Variants in NPSR1 observed in about 807,000 individuals in gnomAD.
NPSR1 encodes neuropeptide S receptor 1.
NPSR1 carries 48 observed loss-of-function variants against 46.9 expected under a neutral mutation model. The observed-to-expected ratio is 1.02, with a 90% confidence interval of 0.81 to 1.30. The LOEUF (loss-of-function observed/expected upper bound fraction) is 1.30, where lower values mean the gene tolerates loss of function less well. Among genes scored for constraint, NPSR1 ranks in the 50% most tolerant of loss-of-function variants. The pLI, the probability that NPSR1 is intolerant of heterozygous loss-of-function variation, is 0.00. For synonymous variants in NPSR1, 176 were observed against 168.1 expected, an observed-to-expected ratio of 1.05 and a Z score of -0.36; for missense variants, 450 against 449.5, an observed-to-expected ratio of 1.00 and a Z score of -0.01.
chr7:34,776,188 GA>G (rs981690123), intron 2 of NPSR1, among the ~76,000 whole-genome samples: 4 of 152,098 alleles, frequency 2.6e-5, no homozygotes, highest in African/African-American at 7.2e-5. Flanking sequence ...ATGTGCTGTG[GA>G]AAATAATGTG....
chr7:34,704,830 G>A (rs1343316284), intron 2 of NPSR1, among the ~76,000 whole-genome samples: 3 of 152,190 alleles, frequency 2.0e-5, no homozygotes, highest in Non-Finnish European at 4.4e-5. Context: ...TTGGTCCTAA[G>A]TTAGAAGCAA....
At chr7:34,738,105 GAGA>G (rs1330705995) in intron 2 of NPSR1, among the ~76,000 whole-genome samples, 1 of 152,194 alleles carries the variant, frequency 6.6e-6, no homozygotes, top group Admixed American at 6.5e-5. Flanking sequence ...TGAAGGCCAG[GAGA>G]GAGCATTTTT....
At chr7:34,709,835 A>G (rs1339734431) in intron 2 of NPSR1, among the ~76,000 whole-genome samples, 3 of 152,134 alleles carry the variant, frequency 2.0e-5, no homozygotes, top group Admixed American at 2.0e-4. Flanking sequence ...CACTCTACTA[A>G]GCATTATGAC....
At chr7:34,765,799 A>C (rs1165059722) in intron 2 of NPSR1, among the ~76,000 whole-genome samples, 1 of 152,224 alleles carries the variant, frequency 6.6e-6, no homozygotes, top group Non-Finnish European at 1.5e-5. Flanking sequence ...TTAATGCAGA[A>C]ACAGAAAACC....
intron 4 of NPSR1, among the ~76,000 whole-genome samples, chr7:34,820,615 G>A (rs1293083821): frequency 1.3e-5 from 2 of 152,168 alleles, no homozygotes; most frequent in African/African-American, 2.4e-5. Context: ...ATGTGCCCAA[G>A]GTGGTCAGGG....
chr7:34,815,447 T>C (rs1453070051), intron 4 of NPSR1, among the ~76,000 whole-genome samples: 1 of 152,216 alleles, frequency 6.6e-6, no homozygotes, highest in Non-Finnish European at 1.5e-5. Flanking sequence ...TACATTTGAT[T>C]AGTGTACCTG....
chr7:34,812,525 C>CT (rs1789036731), intron 4 of NPSR1, among the ~76,000 whole-genome samples: 1 of 152,084 alleles, frequency 6.6e-6, no homozygotes, highest in African/African-American at 2.4e-5. Context: ...CCCGAGGCAA[C>CT]TGACAAGGTG....
intron 8 of NPSR1, among the ~76,000 whole-genome samples, chr7:34,864,536 T>TGC (rs1438509269): frequency 3.3e-5 from 5 of 151,776 alleles, no homozygotes; most frequent in African/African-American, 9.7e-5. Context: ...CCAAAGGAGT[T>TGC]GAAGTCCAAA....
intron 3 of NPSR1, among the ~76,000 whole-genome samples, chr7:34,802,411 G>T (rs554783929): frequency 6.7e-6 from 1 of 149,678 alleles, no homozygotes; most frequent in Non-Finnish European, 1.5e-5. Flanking sequence ...AAATAACGCC[G>T]CATATCTACA....
intron 3 of NPSR1, among the ~76,000 whole-genome samples, chr7:34,796,095 C>A (rs1374622364): frequency 2.0e-5 from 3 of 151,896 alleles, no homozygotes; most frequent in Non-Finnish European, 2.9e-5. Context: ...AATAGTCTGG[C>A]AAAAATATAG....
intron 2 of NPSR1, among the ~76,000 whole-genome samples, chr7:34,702,164 T>C (rs960455723): frequency 7.9e-5 from 12 of 152,152 alleles, no homozygotes; most frequent in Non-Finnish European, 1.8e-4. Context: ...TCAAGATGAC[T>C]GCTAGAACAT....
Position 34,867,155 on chromosome 7 carries a change from T to C in NPSR1, c.1026-10921T>C, listed in dbSNP as rs192801496. The stretch of plus-strand genomic sequence containing the variant: ...AACCCTCATCATCAAAGCCAATGAA[T>C]GTCTCTAAGAAAGGGAGTGATTGTC... On this transcript the variant is annotated intron_variant, in intron 8 of 8. Transcript: ENST00000359791. Among the ~76,000 whole-genome samples, 12 of 151,834 alleles carry C rather than the reference T, an allele frequency of 7.9e-5. No individual in the cohort carries two copies. In the East Asian group the frequency reaches 1.7e-3, roughly 22 times the overall value.
intron 1 of NPSR1, among the ~76,000 whole-genome samples, chr7:34,663,075 G>GTGTGTGTGTGTGTGTT (rs1791548359): frequency 3.9e-5 from 2 of 50,712 alleles, no homozygotes; most frequent in African/African-American, 1.4e-4. Flanking sequence ...CTCTGTGTGT[G>GTGTGTGTGTGTGTGTT]TGTGTGTATG....
At chr7:34,693,482 A>G (rs180725812) in intron 2 of NPSR1, among the ~76,000 whole-genome samples, 8 of 152,304 alleles carry the variant, frequency 5.3e-5, no homozygotes, top group African/African-American at 1.7e-4. Context: ...AGCAAGTAAT[A>G]AAATCACATC....
intron 2 of NPSR1, among the ~76,000 whole-genome samples, chr7:34,723,774 G>A (rs190170812): frequency 7.2e-5 from 11 of 152,152 alleles, no homozygotes; most frequent in African/African-American, 2.6e-4. Context: ...CCGGAGCAGG[G>A]CTTTGGGTGT....
chr7:34,718,514 A>G (rs1382488416), intron 2 of NPSR1, among the ~76,000 whole-genome samples: 1 of 152,214 alleles, frequency 6.6e-6, no homozygotes, highest in Non-Finnish European at 1.5e-5. Flanking sequence ...GTTTTAGGTG[A>G]TTGGGCTGTT....
intron 1 of NPSR1, among the ~76,000 whole-genome samples, chr7:34,669,407 A>T (rs62461901): frequency 0.019 from 2,939 of 152,224 alleles, 41 homozygotes; most frequent in African/African-American, 0.038. Flanking sequence ...TACTAAAAAT[A>T]CAAAAATTAG....
chr7:34,753,959 C>G (rs1362590110), intron 2 of NPSR1, among the ~76,000 whole-genome samples: 4 of 152,102 alleles, frequency 2.6e-5, no homozygotes, highest in African/African-American at 9.7e-5. Flanking sequence ...GTTTCAAACA[C>G]AAAATAGACA....
chr7:34,693,348 A>G (rs1197515019), intron 2 of NPSR1, among the ~76,000 whole-genome samples: 4 of 152,160 alleles, frequency 2.6e-5, no homozygotes, highest in African/African-American at 9.7e-5. Flanking sequence ...AAAAATCATC[A>G]GAGATGACTA....
Sources: allele counts gnomAD v4.1 joint callset (sites outside exome capture counted in the v4.1 genomes callset), GRCh38; gene constraint gnomAD v4.1.1; transcripts MANE v1.5; gene names NCBI Gene and HGNC (gene_info 2026-07-23, HGNC 2026-07-21).